GEMIN2: variants seen among roughly 807,000 people sequenced by gnomAD.
GEMIN2 encodes gem-associated protein 2.
A neutral mutation model predicts 45.8 loss-of-function variants in GEMIN2; 37 were observed. The ratio of observed to expected loss-of-function variants is 0.81; its 90% confidence interval spans 0.62 to 1.06. GEMIN2 has a LOEUF of 1.06. GEMIN2 is among the 50% of genes least tolerant of loss of function. GEMIN2 has a pLI of 0.00. For synonymous variants in GEMIN2, 101 were observed against 111.5 expected (o/e 0.91, Z 0.60); for missense variants, 335 against 321.8 (o/e 1.04, Z -0.31).
Position 39,136,624 on chromosome 14 carries a change from A to G in GEMIN2, c.*145A>G, listed in dbSNP as rs2052785319. 3 of 630,408 alleles carry G rather than the reference A, an allele frequency of 4.8e-6. No individual in the cohort carries two copies. Among genetic ancestry groups the G allele is most frequent in the Non-Finnish European group, 8.4e-6 (3 of 356,590 alleles). The allele number at this position is 630,408 out of a possible 1,614,324, so 39.1% of individuals were successfully genotyped here. On this transcript the variant is annotated 3_prime_UTR_variant, in exon 10 of 10. Coordinates refer to ENST00000308317, the MANE Select transcript of GEMIN2 (RefSeq NM_003616.3). ...ATCTTAACCTGTGCAATTCAGATTG[A>G]TACTCAGAATATGGGTTGATTTGAA...
At chr14:39,130,947 T>C (rs942833321) in intron 7 of GEMIN2, among the ~76,000 whole-genome samples, 1 of 151,336 alleles carries the variant, frequency 6.6e-6, no homozygotes, top group Non-Finnish European at 1.5e-5. Flanking sequence ...TTATTATGTA[T>C]TATAAATAAA....
rs1027055631 is a variant in GEMIN2, at chr14:39,114,332, G to C, written c.-7G>C. 3 of 1,613,854 alleles carry C rather than the reference G, an allele frequency of 1.9e-6. No homozygotes were observed. The highest frequency in any genetic ancestry group is 2.5e-6 in the Non-Finnish European group (3 of 1,179,928). On this transcript the variant is annotated 5_prime_UTR_variant, in exon 1 of 10. Transcript: ENST00000308317. ...TGCGCCGAGCGGAACTGGCTGGTTT[G>C]AAAACCATGGCGTGGGTACCAGCGG...
chr14:39,115,101 G>T, intron 2 of GEMIN2, among the ~76,000 whole-genome samples, 188 bp downstream of exon 2: 1 of 152,230 alleles, frequency 6.6e-6, no homozygotes, highest in East Asian at 1.9e-4. Flanking sequence ...GAGGCTTTCT[G>T]TAACTCTAGC....
chr14:39,114,790 A>G (rs893844958), intron 1 of GEMIN2, 39 bp from the exon 2 acceptor site: 2 of 1,128,850 alleles, frequency 1.8e-6, no homozygotes, highest in Non-Finnish European at 2.7e-6. Flanking sequence ...GCAAAGCACA[A>G]CAGAAATTTA....
Position 39,118,610 on chromosome 14 carries a change from TTC to T in GEMIN2, c.372+14_372+15del. On this transcript the variant is annotated intron_variant, in intron 4 of 9. Transcript: ENST00000308317. Reference sequence around the variant, plus strand: ...AGTAATGTGACAATGGTATGTAAGTTTCTCAGTTTTAAGATGTACAATGTATA... The same window carrying T: ...AGTAATGTGACAATGGTATGTAAGTTTCAGTTTTAAGATGTACAATGTATA... 7.8e-7 allele frequency: 1 copy of T among 1,282,212 alleles called. No individual in the cohort carries two copies. Among genetic ancestry groups the T allele is most frequent in the Non-Finnish European group, 1.1e-6 (1 of 877,670 alleles). The allele number at this position is 1,282,212 out of a possible 1,614,324, so 79.4% of individuals were successfully genotyped here.
At chr14:39,134,876 C>A (rs72673339) in intron 9 of GEMIN2, among the ~76,000 whole-genome samples, 11,731 of 152,286 alleles carry the variant, frequency 0.077, 469 homozygotes, top group African/African-American at 0.11. Context: ...CCTACCTCAT[C>A]TGTTGGTAGT....
intron 7 of GEMIN2, among the ~76,000 whole-genome samples, chr14:39,129,948 T>TTG (rs1199859606): frequency 1.5e-5 from 2 of 136,996 alleles, no homozygotes; most frequent in Non-Finnish European, 3.1e-5. Context: ...TTTTTTTTTT[T>TTG]TTTTTTTTTT....
intron 2 of GEMIN2, 143 bp from the exon 3 acceptor site, chr14:39,117,856 A>T: frequency 2.1e-6 from 1 of 469,384 alleles, no homozygotes; most frequent in Non-Finnish European, 3.8e-6. Flanking sequence ...CTACTTTTTT[A>T]CATCTGCAAA....
chr14:39,134,518 T>C (rs1393932363), intron 9 of GEMIN2: 1 of 152,250 alleles, frequency 6.6e-6, no homozygotes, highest in African/African-American at 2.4e-5. Context: ...GCCAGTACCT[T>C]TTTAAAGCTT....
chr14:39,132,703 G>C (rs2052734019), intron 8 of GEMIN2, among the ~76,000 whole-genome samples: 1 of 124,920 alleles, frequency 8.0e-6, no homozygotes, highest in Non-Finnish European at 1.6e-5. Context: ...TTGTGAGATG[G>C]AGTCTCGCTC....
chr14:39,133,675 T>C lies in GEMIN2; in HGVS notation c.726T>C (p.Asp242=). The C allele has an allele frequency of 6.6e-7, 1 of 1,511,208 alleles. No individual in the cohort carries two copies. Among genetic ancestry groups the C allele is most frequent in the Non-Finnish European group, 9.0e-7 (1 of 1,113,894 alleles). 93.6% of individuals were successfully genotyped at this position (1,511,208 alleles called of 1,614,324 possible). The change falls in exon 9 of 10, where the codon GAT becomes GAC. Residue 242 remains aspartate, a synonymous_variant. Transcript: ENST00000308317. The part of the protein sequence containing the change: ...EVRLLVDSKD[D]ERVPALNLLI... ...TTTTTTTTTAGGATAGCAAAGATGATGAGAGGGTTCCTGCTTTGAATTTAT... is the reference window on the plus strand; with the variant it reads ...TTTTTTTTTAGGATAGCAAAGATGACGAGAGGGTTCCTGCTTTGAATTTAT...
chr14:39,127,610 G>A (rs1481057507), intron 6 of GEMIN2, among the ~76,000 whole-genome samples: 1 of 151,996 alleles, frequency 6.6e-6, no homozygotes, highest in African/African-American at 2.4e-5. Flanking sequence ...AAAGTGCTGA[G>A]ATTACTGGCA....
intron 9 of GEMIN2, among the ~76,000 whole-genome samples, chr14:39,135,961 C>T (rs1206856525): frequency 6.6e-6 from 1 of 151,982 alleles, no homozygotes; most frequent in Non-Finnish European, 1.5e-5. Flanking sequence ...TGGCTCAAGC[C>T]TGTAATTCCA....
intron 4 of GEMIN2, among the ~76,000 whole-genome samples, chr14:39,120,048 G>A (rs2052555949): frequency 6.6e-6 from 1 of 152,034 alleles, no homozygotes; most frequent in Non-Finnish European, 1.5e-5. Context: ...CCTTTTGGGT[G>A]CATGCCCACT....
chr14:39,129,742 ATGTG>A (rs891242038), intron 7 of GEMIN2, among the ~76,000 whole-genome samples: 3 of 150,542 alleles, frequency 2.0e-5, no homozygotes, highest in African/African-American at 7.4e-5. Flanking sequence ...ATATTTGTAT[ATGTG>A]TGTGTGTGTG....
chr14:39,123,709 T>TATATATATATATATA (rs60209051), intron 5 of GEMIN2, among the ~76,000 whole-genome samples: 36 of 28,928 alleles, frequency 1.2e-3, no homozygotes, highest in East Asian at 6.3e-3. Context: ...TATATATATA[T>TATATATATATATATA]TTTTTTTTTT....
At chr14:39,124,930 G>GAAAA in intron 5 of GEMIN2, 62 bp from the exon 6 acceptor site, 2 of 677,988 alleles carry the variant, frequency 2.9e-6, no homozygotes, top group Non-Finnish European at 5.0e-6. Context: ...TCACCAGTTT[G>GAAAA]AAAAAAAAAA....
chr14:39,125,966 G>A (rs2052634996), intron 6 of GEMIN2, among the ~76,000 whole-genome samples: 1 of 151,574 alleles, frequency 6.6e-6, no homozygotes, highest in African/African-American at 2.4e-5. Flanking sequence ...GTTGCAGTGA[G>A]CCGAGATCGT....
Position 39,136,599 on chromosome 14 carries a change from ATCT to A in GEMIN2, c.*122_*124del. ...CTTCAACACTATGTGAAGGGTTCAC[ATCT>A]TAACCTGTGCAATTCAGATTGATAC... is the stretch of plus-strand genomic sequence containing the variant. On this transcript the variant is annotated 3_prime_UTR_variant, in exon 10 of 10. Transcript: ENST00000308317. 1.3e-6 allele frequency: 1 copy of A among 760,162 alleles called. No homozygotes were observed. Among genetic ancestry groups the A allele is most frequent in the Non-Finnish European group, 2.3e-6 (1 of 438,888 alleles). The allele number at this position is 760,162 out of a possible 1,614,324, so 47.1% of individuals were successfully genotyped here. A position where few individuals can be genotyped will look rare whatever the true frequency, so the allele number is the denominator to read the frequency against.
Sources: gnomAD v4.1 joint callset for allele counts (sites outside exome capture counted in the v4.1 genomes callset) on GRCh38, gnomAD v4.1.1 for gene constraint, MANE v1.5 for transcripts, NCBI Gene and HGNC (gene_info 2026-07-23, HGNC 2026-07-21) for gene names.